The following NWD2 variants were observed in gnomAD, a reference collection of about 807,000 sequenced individuals.
The protein encoded by NWD2 is NACHT and WD repeat domain-containing protein 2.
A neutral mutation model predicts 132.7 loss-of-function variants in NWD2; 37 were observed. That is an observed-to-expected ratio of 0.28 (90% CI 0.21 to 0.37). NWD2 has a LOEUF of 0.37. NWD2 is among the 10% of genes least tolerant of loss of function. The pLI is 1.00. For missense variants in NWD2, 1,592 were observed against 2,122.4 expected, an observed-to-expected ratio of 0.75 and a Z score of 4.91; for synonymous variants, 705 against 803.0, an observed-to-expected ratio of 0.88 and a Z score of 2.06.
At chr4:37,381,575 T>A (rs1048569711) in intron 3 of NWD2, among the ~76,000 whole-genome samples, 1 of 152,230 alleles carries the variant, frequency 6.6e-6, no homozygotes, top group African/African-American at 2.4e-5. Context: ...CCCTTGGCTG[T>A]GTTTATTTTA....
At chr4:37,401,908 C>T (rs892534822) in intron 3 of NWD2, among the ~76,000 whole-genome samples, 4 of 152,286 alleles carry the variant, frequency 2.6e-5, no homozygotes, top group South Asian at 4.1e-4. Context: ...TACCCACTTC[C>T]GTGTACCTGC....
chr4:37,317,116 G>T (rs549929592), intron 1 of NWD2, among the ~76,000 whole-genome samples: 1 of 152,302 alleles, frequency 6.6e-6, no homozygotes, highest in Non-Finnish European at 1.5e-5. Flanking sequence ...CCTCAAACCA[G>T]TAAGGCTTTT....
chr4:37,355,996 C>G (rs1372264248), intron 2 of NWD2, among the ~76,000 whole-genome samples: 2 of 151,824 alleles, frequency 1.3e-5, no homozygotes, highest in African/African-American at 4.8e-5. Flanking sequence ...CTTATGGTAA[C>G]ATTATATACA....
chr4:37,349,414 T>C (rs1346103245), intron 2 of NWD2, among the ~76,000 whole-genome samples: 1 of 152,202 alleles, frequency 6.6e-6, no homozygotes, highest in Non-Finnish European at 1.5e-5. Context: ...GGTTCTGATT[T>C]GCACTTCTCT....
At chr4:37,438,689 C>A in intron 5 of NWD2, 112 bp from the exon 6 acceptor site, 1 of 732,224 alleles carries the variant, frequency 1.4e-6, no homozygotes, top group Non-Finnish European at 2.2e-6. Context: ...TACTTCGCTA[C>A]AAACCATAAG....
intron 3 of NWD2, among the ~76,000 whole-genome samples, chr4:37,385,675 G>A (rs1246797891): frequency 1.3e-5 from 2 of 152,126 alleles, no homozygotes; most frequent in Non-Finnish European, 2.9e-5. Flanking sequence ...CAGGCTGAGG[G>A]GCCATGTCCA....
intron 3 of NWD2, among the ~76,000 whole-genome samples, chr4:37,366,138 T>C (rs1720095009): frequency 6.6e-6 from 1 of 152,138 alleles, no homozygotes; most frequent in Admixed American, 6.5e-5. Flanking sequence ...GAATGCTCAA[T>C]GCTGAACATT....
chr4:37,412,426 G>T (rs1332285764), intron 3 of NWD2, among the ~76,000 whole-genome samples: 1 of 152,136 alleles, frequency 6.6e-6, no homozygotes, highest in Non-Finnish European at 1.5e-5. Context: ...ACTTACAAGG[G>T]ATGTGAAGGA....
chr4:37,437,180 A>G (rs73809823), intron 5 of NWD2, among the ~76,000 whole-genome samples: 3,586 of 152,116 alleles, frequency 0.024, 99 homozygotes, highest in African/African-American at 0.059. Flanking sequence ...ATTTTTTTCA[A>G]TTTATGGCCA....
chr4:37,306,693 A>T (rs1236707284), intron 1 of NWD2, among the ~76,000 whole-genome samples: 1 of 152,150 alleles, frequency 6.6e-6, no homozygotes, highest in Non-Finnish European at 1.5e-5. Flanking sequence ...AAATTTGTTA[A>T]GACTTGTTTT....
intron 3 of NWD2, among the ~76,000 whole-genome samples, chr4:37,409,387 A>G (rs896645451): frequency 6.6e-6 from 1 of 151,818 alleles, no homozygotes; most frequent in Non-Finnish European, 1.5e-5. Context: ...AGCTGAATCA[A>G]TCAAGCAGAA....
intron 1 of NWD2, among the ~76,000 whole-genome samples, chr4:37,297,323 AT>A (rs561111411): frequency 3.9e-5 from 6 of 152,158 alleles, no homozygotes; most frequent in Admixed American, 1.3e-4. Context: ...GTAAATAGTT[AT>A]ACTGTATTAT....
Position 37,444,110 on chromosome 4 carries a change from A to T in NWD2, c.2122A>T (p.Ile708Phe). 6.4e-7 allele frequency: 1 copy of T among 1,551,778 alleles called. No individual in the cohort carries two copies. Among genetic ancestry groups the T allele is most frequent in the Non-Finnish European group, 8.7e-7 (1 of 1,147,010 alleles). ...SNPLRVPYLY[I>F]ARLKEGLSGY... ...TCCCCTGAGAGTACCTTACTTGTAC[A>T]TTGCAAGGCTCAAGGAGGGTCTCAG... is the stretch of plus-strand genomic sequence containing the variant. Residue 708 changes from isoleucine to phenylalanine, a missense_variant, in exon 7 of 7, where the codon ATT becomes TTT. Around this residue, in one of 7 missense-constraint regions of NWD2, gnomAD observed 1,071 missense variants for 1,398.0 expected, o/e 0.77. Transcript: ENST00000309447. The surrounding 1 kb of genome is among the most constrained non-coding windows in gnomAD (Gnocchi z 4.8).
chr4:37,380,099 C>T (rs577045843), intron 3 of NWD2, among the ~76,000 whole-genome samples: 12 of 152,352 alleles, frequency 7.9e-5, no homozygotes, highest in African/African-American at 1.7e-4. Flanking sequence ...CATTTTCTCA[C>T]GTAATCCTTA....
intron 2 of NWD2, among the ~76,000 whole-genome samples, chr4:37,355,202 A>G (rs1404442146): frequency 1.3e-5 from 2 of 152,188 alleles, no homozygotes; most frequent in East Asian, 3.8e-4. Flanking sequence ...CTTTGATGTC[A>G]TCTTTCTTCG....
At chr4:37,390,572 T>C (rs1397650353) in intron 3 of NWD2, among the ~76,000 whole-genome samples, 1 of 152,168 alleles carries the variant, frequency 6.6e-6, no homozygotes, top group African/African-American at 2.4e-5. Context: ...ATTTGGTCTC[T>C]AGTGTCACCT....
At position 37,447,108 on chromosome 4, in the gene NWD2, ACTCT is replaced by A; in HGVS notation, c.5121_5124del (p.Asp1707GlufsTer24). On this transcript the variant is annotated frameshift_variant, in exon 7 of 7. Coordinates refer to ENST00000309447, the MANE Select transcript of NWD2 (RefSeq NM_001144990.2). LOFTEE classifies it high-confidence loss of function. ...AGAGACAGCCCCATCACAGTTAGTGACTCTACTGAGTCCAATGAAGCAACACCCT... is the reference window on the plus strand; with the variant it reads ...AGAGACAGCCCCATCACAGTTAGTGAACTGAGTCCAATGAAGCAACACCCT... 1 of 1,551,370 alleles carries A rather than the reference ACTCT, an allele frequency of 6.4e-7. No individual in the cohort carries two copies.
In NWD2 at chr4:37,443,518, C is replaced by G; in HGVS notation, c.1530C>G (p.Val510=). Residue 510 remains valine, a synonymous_variant, in exon 7 of 7, where the codon GTC becomes GTG. Coordinates refer to ENST00000309447, the MANE Select transcript of NWD2 (RefSeq NM_001144990.2). This position sits in a 1 kb window ranked among gnomAD's most constrained non-coding sequence, Gnocchi z 4.1. ...AGTCTTCACTGCAGAGACCTCTAGT[C>G]ATAATATTCGATGCACTAGAGCAGC... ...LNESSLQRPL[V]IIFDALEQLS... 6.4e-7 allele frequency: 1 copy of G among 1,551,774 alleles called. No individual in the cohort carries two copies. Among genetic ancestry groups the G allele is most frequent in the Non-Finnish European group, 8.7e-7 (1 of 1,146,940 alleles).
At chr4:37,285,459 T>C (rs1718212275) in intron 1 of NWD2, among the ~76,000 whole-genome samples, 2 of 152,068 alleles carry the variant, frequency 1.3e-5, no homozygotes, top group African/African-American at 4.8e-5. Flanking sequence ...TAATAATATA[T>C]TTATAGTAAT....
Sources: gnomAD v4.1 joint callset for allele counts (sites outside exome capture counted in the v4.1 genomes callset) on GRCh38, gnomAD v4.1.1 for gene constraint, gnomAD v4.1.1 regional missense constraint, Gnocchi (gnomAD v3.1) non-coding constraint, MANE v1.5 for transcripts, NCBI Gene and HGNC (gene_info 2026-07-23, HGNC 2026-07-21) for gene names.